Variants in USHBP1 observed in about 807,000 individuals in gnomAD.
USHBP1 encodes harmonin-binding protein USHBP1.
A neutral mutation model predicts 76.2 loss-of-function variants in USHBP1; 67 were observed. The ratio of observed to expected loss-of-function variants is 0.88; its 90% CI spans 0.72 to 1.08. The LOEUF (loss-of-function observed/expected upper bound fraction) is 1.08, where lower values mean the gene tolerates loss of function less well. Ranked by LOEUF, USHBP1 falls within the 50% of genes least tolerant of loss-of-function variation. The probability of loss-of-function intolerance (pLI) is 0.00; values close to 1 mark genes in which losing one functional copy is unlikely to be tolerated. For missense variants in USHBP1, 931 were observed against 915.0 expected (o/e 1.02, Z -0.23); for synonymous variants, 322 against 362.2 (o/e 0.89, Z 1.26).
At chr19:17,259,508 C>T (rs962524346) in intron 6 of USHBP1, 79 bp from the exon 7 acceptor site, 2 of 1,607,294 alleles carry the variant, frequency 1.2e-6, no homozygotes, top group Admixed American at 1.7e-5. Context: ...CTTTCCCTCC[C>T]TCCTGTTGCA....
Position 17,262,970 on chromosome 19 carries a change from C to A in USHBP1, c.224G>T (p.Gly75Val). The A allele has an allele frequency of 6.6e-7, 1 of 1,521,244 alleles. No homozygotes were observed. The highest frequency in any genetic ancestry group is 8.8e-7 in the Non-Finnish European group (1 of 1,134,912). The allele number at this position is 1,521,244 out of a possible 1,614,324, so 94.2% of individuals were successfully genotyped here. Residue 75 changes from glycine (G) to valine (V), a missense_variant, in exon 4 of 13, where the codon GGG (glycine) becomes GTG (valine). Coordinates refer to ENST00000252597, the MANE Select transcript of USHBP1 (RefSeq NM_031941.4). Reference protein sequence around the residue: ...LGSRTDKKMDGGSGRELASAP... With the variant: ...LGSRTDKKMDVGSGRELASAP... ...TGAGGCCAGTTCCCTGCCAGAGCCC[C>A]CATCCATCTTCTTGTCAGTCCTGTG... is the stretch of plus-strand genomic sequence containing the variant.
At chr19:17,254,247 G>A (rs950635611) in intron 10 of USHBP1, among the ~76,000 whole-genome samples, 1 of 149,300 alleles carries the variant, frequency 6.7e-6, no homozygotes, top group Non-Finnish European at 1.5e-5. Context: ...CTCGGCAGGC[G>A]GAGGCAGGAG....
chr19:17,261,018 A>C (rs1199959511), intron 4 of USHBP1, among the ~76,000 whole-genome samples: 1 of 152,124 alleles, frequency 6.6e-6, no homozygotes, highest in Non-Finnish European at 1.5e-5. Flanking sequence ...GCTCTCCAGG[A>C]GTCCACCCTC....
chr19:17,253,271 G>A (rs545884686), intron 10 of USHBP1, among the ~76,000 whole-genome samples: 2 of 147,534 alleles, frequency 1.4e-5, no homozygotes, highest in South Asian at 2.2e-4. Context: ...ATGAGCCATC[G>A]TGCCCGGACA....
At chr19:17,253,288 ATT>A (rs201804797) in intron 10 of USHBP1, among the ~76,000 whole-genome samples, 1 of 140,296 alleles carries the variant, frequency 7.1e-6, no homozygotes, top group Non-Finnish European at 1.5e-5. Flanking sequence ...GACAGTAATA[ATT>A]TTTTTTTCTT....
rs746023236 is a variant in USHBP1, at chr19:17,259,328, T to C, written c.1007A>G (p.Glu336Gly). ...CAGATGCAATGCTGTGGCCTCAGCC[T>C]CCCGCTGGCCTAGCTGCATGCTGAG... The part of the protein sequence containing the change: ...EGLSMQLGQR[E>G]AEATALHLAL... Residue 336 changes from glutamate (E) to glycine (G), a missense_variant, in exon 7 of 13, where the codon GAG becomes GGG. Glu to Gly is a moderately conservative substitution (Grantham distance 98). Coordinates refer to ENST00000252597, the MANE Select transcript of USHBP1 (RefSeq NM_031941.4). The C allele has an allele frequency of 2.5e-6, 4 of 1,613,956 alleles. No individual in the cohort carries two copies. The highest frequency in any genetic ancestry group is 3.4e-6 in the Non-Finnish European group (4 of 1,180,018).
chr19:17,251,718 G>A lies in USHBP1; in HGVS notation c.1800-14C>T, dbSNP rs754067573. 14 of 1,611,380 alleles carry A rather than the reference G, an allele frequency of 8.7e-6. No individual in the cohort carries two copies. In the East Asian group the frequency reaches 1.6e-4, roughly 18 times the overall value. ...AGGTCCAGTGTCCTGTTGCGAAGGA[G>A]AAGAGAGGGGGCTCACAGCCCCAGC... is the stretch of plus-strand genomic sequence containing the variant. On this transcript the variant is annotated splice_polypyrimidine_tract_variant and intron_variant, in intron 11 of 12. Transcript: ENST00000252597.
In USHBP1 at chr19:17,249,224, T is replaced by A. The variant is rs2073522679; in HGVS notation, c.*1001A>T. ...TTATTTAGAGACAGAGTTTTGCTCT[T>A]ATTGCCCGGGCACGATCTTGTTGTT... On this transcript the variant is annotated 3_prime_UTR_variant, in exon 13 of 13. Coordinates refer to ENST00000252597, the MANE Select transcript of USHBP1 (RefSeq NM_031941.4). 6.6e-6 allele frequency: 1 copy of A among 152,188 alleles called. No individual in the cohort carries two copies. The highest frequency in any genetic ancestry group is 2.4e-5 in the African/African-American group (1 of 41,440). 9.4% of individuals were successfully genotyped at this position (152,188 alleles called of 1,614,324 possible). A position where few individuals can be genotyped will look rare whatever the true frequency, so the allele number is the denominator to read the frequency against.
At chr19:17,250,492 G>A in intron 12 of USHBP1, 78 bp from the exon 13 acceptor site, 1 of 1,494,660 alleles carries the variant, frequency 6.7e-7, no homozygotes, top group African/African-American at 1.4e-5. Context: ...CCCACTCCCA[G>A]AATGGGGGCT....
chr19:17,261,672 C>T (rs62126226), intron 4 of USHBP1, among the ~76,000 whole-genome samples: 1,753 of 148,128 alleles, frequency 0.012, 17 homozygotes, highest in Non-Finnish European at 0.019. Context: ...GAGTCTCACT[C>T]CGTCACCCAG....
At chr19:17,256,090 T>G (rs2073615738) in intron 9 of USHBP1, among the ~76,000 whole-genome samples, 1 of 152,150 alleles carries the variant, frequency 6.6e-6, no homozygotes, top group Non-Finnish European at 1.5e-5. Flanking sequence ...CCATAAAAGC[T>G]ACAGCTGTAG....
At chr19:17,259,534 C>T (rs1219324900) in intron 6 of USHBP1, 62 bp downstream of exon 6, 1 of 1,602,940 alleles carries the variant, frequency 6.2e-7, no homozygotes, top group African/African-American at 1.3e-5. Flanking sequence ...AGACTCCTGG[C>T]TTTATAACTC....
Position 17,258,208 on chromosome 19 carries a change from G to T in USHBP1, c.1220+4C>A. ...GGCCAGTTCCCAGGGTTCCAGGGGGGTACCTTGGCTGTGGATTCTGCTGTG... is the reference window on the plus strand; with the variant it reads ...GGCCAGTTCCCAGGGTTCCAGGGGGTTACCTTGGCTGTGGATTCTGCTGTG... On this transcript the variant is annotated splice_donor_region_variant and intron_variant, in intron 8 of 12. Coordinates refer to ENST00000252597, the MANE Select transcript of USHBP1 (RefSeq NM_031941.4). 3 of 1,613,366 alleles carry T rather than the reference G, an allele frequency of 1.9e-6. No individual in the cohort carries two copies. The highest frequency in any genetic ancestry group is 2.5e-6 in the Non-Finnish European group (3 of 1,180,016).
At chr19:17,255,302 A>T in intron 10 of USHBP1, 83 bp downstream of exon 10, 4 of 86,656 alleles carry the variant, frequency 4.6e-5, no homozygotes, top group Non-Finnish European at 5.6e-5. Context: ...CAAAAAAAAC[A>T]AAAAAAAAAA....
intron 12 of USHBP1, 108 bp downstream of exon 12, chr19:17,251,474 A>G: frequency 6.8e-7 from 1 of 1,467,492 alleles, no homozygotes; most frequent in Non-Finnish European, 9.3e-7. Context: ...GTTACTGCCT[A>G]TCTTGGGGCA....
At chr19:17,252,134 A>G (rs2145578242) in intron 10 of USHBP1, 117 bp from the exon 11 acceptor site, 3 of 849,774 alleles carry the variant, frequency 3.5e-6, no homozygotes, top group Non-Finnish European at 3.7e-6. Context: ...AGAGACCCAC[A>G]TCTGGTTCGA....
Position 17,250,310 on chromosome 19 carries a change from ACCT to A in USHBP1, c.2024_2026del (p.Glu675del), listed in dbSNP as rs1201859211. 7 of 1,613,002 alleles carry A rather than the reference ACCT, an allele frequency of 4.3e-6. No homozygotes were observed. Among genetic ancestry groups the A allele is most frequent in the African/African-American group, 4.0e-5 (3 of 74,766 alleles). On this transcript the variant is annotated inframe_deletion, in exon 13 of 13. Transcript: ENST00000252597. ...CCTTGCAGTGGCTTCGAGCACCGCC[ACCT>A]CCTCGGCCTGCTGAGCCTCCATGAG... is the stretch of plus-strand genomic sequence containing the variant.
chr19:17,263,771 C>G lies in USHBP1; in HGVS notation c.203+231G>C, dbSNP rs369405650. The G allele has an allele frequency of 6.0e-6, 3 of 504,016 alleles. No homozygotes were observed. The East Asian group carries it at 1.0e-4, about 17-fold the overall frequency. The allele number at this position is 504,016 out of a possible 1,614,324, so 31.2% of individuals were successfully genotyped here. A position where few individuals can be genotyped will look rare whatever the true frequency, so the allele number is the denominator to read the frequency against. Reference sequence around the variant, plus strand: ...CCTGTAATCCCAACTACTCAGGAAGCTGAGGCTCCCGCTTGAACCGGGAGG... The same window carrying G: ...CCTGTAATCCCAACTACTCAGGAAGGTGAGGCTCCCGCTTGAACCGGGAGG... On this transcript the variant is annotated intron_variant, in intron 3 of 12. Transcript: ENST00000252597.
At position 17,251,716 on chromosome 19, in the gene USHBP1, G is replaced by A. The variant is rs750515240; in HGVS notation, c.1800-12C>T. The A allele has an allele frequency of 1.2e-6, 2 of 1,612,360 alleles. No homozygotes were observed. Among genetic ancestry groups the A allele is most frequent in the Admixed American group, 3.3e-5 (2 of 60,010 alleles). ...GCAGGTCCAGTGTCCTGTTGCGAAG[G>A]AGAAGAGAGGGGGCTCACAGCCCCA... is the stretch of plus-strand genomic sequence containing the variant. On this transcript the variant is annotated splice_polypyrimidine_tract_variant and intron_variant, in intron 11 of 12. Coordinates refer to ENST00000252597, the MANE Select transcript of USHBP1 (RefSeq NM_031941.4).
Sources: gnomAD v4.1 joint callset for allele counts (sites outside exome capture counted in the v4.1 genomes callset) on GRCh38, gnomAD v4.1.1 for gene constraint, MANE v1.5 for transcripts, NCBI Gene and HGNC (gene_info 2026-07-23, HGNC 2026-07-21) for gene names.